Variants in EVI5 observed in about 807,000 individuals in gnomAD.
EVI5 encodes ecotropic viral integration site 5 protein homolog.
EVI5 carries 73 observed loss-of-function variants against 112.0 expected under a neutral mutation model. That is an observed-to-expected ratio of 0.65 (90% CI 0.54 to 0.79). The LOEUF is 0.79. Ranked by LOEUF, EVI5 falls within the 30% of genes least tolerant of loss-of-function variation. The pLI, the probability that EVI5 is intolerant of heterozygous loss-of-function variation, is 0.00. For missense variants in EVI5, 900 were observed against 968.8 expected (o/e 0.93, Z 0.94); for synonymous variants, 305 against 319.9 (o/e 0.95, Z 0.50).
chr1:92,737,799 A>G (rs1406723868), intron 1 of EVI5, among the ~76,000 whole-genome samples: 1 of 152,210 alleles, frequency 6.6e-6, no homozygotes, highest in East Asian at 1.9e-4. Flanking sequence ...AATTCTAAGG[A>G]CATAGTTAAG....
At chr1:92,613,455 C>CGTGG (rs1652346942) in intron 16 of EVI5, among the ~76,000 whole-genome samples, 1 of 152,148 alleles carries the variant, frequency 6.6e-6, no homozygotes, top group Admixed American at 6.5e-5. Flanking sequence ...TACAGCACCA[C>CGTGG]GTCTGGCTAA....
At chr1:92,778,259 T>C (rs1684410587) in intron 1 of EVI5, among the ~76,000 whole-genome samples, 1 of 152,042 alleles carries the variant, frequency 6.6e-6, no homozygotes, top group Admixed American at 6.6e-5. Context: ...ACAAACCGGT[T>C]TATGCCATAG....
At chr1:92,689,643 C>A (rs951154628) in intron 9 of EVI5, among the ~76,000 whole-genome samples, 4 of 152,030 alleles carry the variant, frequency 2.6e-5, no homozygotes, top group African/African-American at 9.7e-5. Context: ...GAAAGGACTA[C>A]AGATGTTAAA....
At chr1:92,531,260 C>T (rs865885318) in intron 19 of EVI5, among the ~76,000 whole-genome samples, 1 of 132,444 alleles carries the variant, frequency 7.6e-6, no homozygotes, top group Admixed American at 7.8e-5. Flanking sequence ...AAGAAACAAA[C>T]AAAGCCTCCA....
At chr1:92,692,926 C>T (rs977881555) in intron 9 of EVI5, among the ~76,000 whole-genome samples, 1 of 152,088 alleles carries the variant, frequency 6.6e-6, no homozygotes, top group African/African-American at 2.4e-5. Flanking sequence ...GTACTGGAAG[C>T]TAGAGAAATC....
intron 1 of EVI5, among the ~76,000 whole-genome samples, chr1:92,751,375 T>C (rs1260156777): frequency 6.6e-6 from 1 of 152,150 alleles, no homozygotes; most frequent in African/African-American, 2.4e-5. Context: ...ATTATATAAA[T>C]CTCCTCAACA....
At position 92,780,794 on chromosome 1, in the gene EVI5, A is replaced by C. The variant is rs539616055; in HGVS notation, c.-82+4042T>G. Among the ~76,000 whole-genome samples the C allele has an allele frequency of 1.7e-3, 258 of 151,850 alleles. 1 individual carries two copies. The highest frequency in any genetic ancestry group is 5.6e-3 in the African/African-American group (231 of 41,396). ...GGTCAAAGCAGGTGGAGATCATGTTACTGCACTCCAGCCTGGGTGATACAG... is the reference window on the plus strand; with the variant it reads ...GGTCAAAGCAGGTGGAGATCATGTTCCTGCACTCCAGCCTGGGTGATACAG... On this transcript the variant is annotated intron_variant, in intron 1 of 19. Transcript: ENST00000684568.
intron 2 of EVI5, among the ~76,000 whole-genome samples, chr1:92,733,993 C>T (rs1303341744): frequency 6.6e-6 from 1 of 152,156 alleles, no homozygotes; most frequent in Non-Finnish European, 1.5e-5. Context: ...TCAGTTTTCT[C>T]TTACAAGACA....
At chr1:92,705,958 G>C (rs533045315) in intron 2 of EVI5, among the ~76,000 whole-genome samples, 2 of 152,212 alleles carry the variant, frequency 1.3e-5, no homozygotes, top group East Asian at 3.9e-4. Context: ...TCAATGCAAA[G>C]TATATTATCA....
chr1:92,650,505 C>A (rs1048905191), intron 13 of EVI5, among the ~76,000 whole-genome samples: 2 of 151,888 alleles, frequency 1.3e-5, no homozygotes. Context: ...TCATTGCTGG[C>A]GCATTCTTTT....
At chr1:92,742,401 G>C (rs1248261782) in intron 1 of EVI5, among the ~76,000 whole-genome samples, 2 of 152,000 alleles carry the variant, frequency 1.3e-5, no homozygotes, top group Non-Finnish European at 2.9e-5. Flanking sequence ...AGCCAGGCAT[G>C]GTAGCTCATG....
intron 13 of EVI5, among the ~76,000 whole-genome samples, chr1:92,655,303 G>GA (rs982408807): frequency 2.0e-5 from 3 of 147,936 alleles, no homozygotes; most frequent in East Asian, 2.0e-4. Context: ...TTACAAGCCA[G>GA]AAAAAAAATC....
intron 16 of EVI5, among the ~76,000 whole-genome samples, chr1:92,612,313 A>G (rs1156446967): frequency 6.6e-6 from 1 of 152,208 alleles, no homozygotes; most frequent in Admixed American, 6.5e-5. Context: ...GAAAGAAACC[A>G]AAAGTACCAA....
At chr1:92,717,904 T>C (rs1674041712) in intron 2 of EVI5, among the ~76,000 whole-genome samples, 1 of 151,152 alleles carries the variant, frequency 6.6e-6, no homozygotes, top group South Asian at 2.1e-4. Context: ...AATCCTAGTC[T>C]CTGATAAAAC....
intron 6 of EVI5, 99 bp downstream of exon 6, chr1:92,697,761 C>T (rs1670534839): frequency 3.1e-6 from 3 of 954,594 alleles, no homozygotes; most frequent in South Asian, 1.5e-5. Flanking sequence ...TCTTCAAGTG[C>T]TTTAATGCTT....
chr1:92,550,680 G>C (rs1306966656), intron 19 of EVI5, among the ~76,000 whole-genome samples: 1 of 129,974 alleles, frequency 7.7e-6, no homozygotes, highest in Non-Finnish European at 1.6e-5. Context: ...CTGGGAGGCA[G>C]AGCTTGCAGT....
intron 19 of EVI5, among the ~76,000 whole-genome samples, chr1:92,530,347 G>A (rs1557722073): frequency 6.6e-6 from 1 of 152,122 alleles, no homozygotes; most frequent in South Asian, 2.1e-4. Context: ...GGAAGGGGCG[G>A]TTGGGGGCAC....
intron 18 of EVI5, among the ~76,000 whole-genome samples, chr1:92,574,484 T>C (rs760477511): frequency 4.5e-4 from 68 of 152,264 alleles, no homozygotes; most frequent in Non-Finnish European, 7.8e-4. Context: ...CTAAGTAGCA[T>C]GGTTTTAACA....
intron 1 of EVI5, chr1:92,756,774 G>A: frequency 2.0e-6 from 1 of 510,974 alleles, no homozygotes; most frequent in South Asian, 1.5e-5. Flanking sequence ...CATCTTACAA[G>A]CTACAGATGT....
Sources: allele counts gnomAD v4.1 joint callset (sites outside exome capture counted in the v4.1 genomes callset), GRCh38; gene constraint gnomAD v4.1.1; transcripts MANE v1.5; gene names NCBI Gene and HGNC (gene_info 2026-07-23, HGNC 2026-07-21).